KLF8: variants seen among roughly 807,000 people sequenced by gnomAD.
KLF8 encodes Krueppel-like factor 8.
KLF8 carries 10 observed loss-of-function variants against 18.2 expected under a neutral mutation model. The ratio of observed to expected loss-of-function variants is 0.55; its 90% CI spans 0.34 to 0.93. KLF8 has a LOEUF of 0.93. KLF8 is among the 40% of genes least tolerant of loss of function. The pLI is 0.02. For missense variants in KLF8, 264 were observed against 277.9 expected, an observed-to-expected ratio of 0.95 and a Z score of 0.36; for synonymous variants, 109 against 97.3, an observed-to-expected ratio of 1.12 and a Z score of -0.71.
chrX:55,961,108 G>T, the KLF8 span: 2 of 161,235 alleles, frequency 1.2e-5, no homozygotes, highest in Non-Finnish European at 2.3e-5. Flanking sequence ...GATGATAAAG[G>T]TTCAATTCAT....
At chrX:56,194,088 G>T in the KLF8 span, among the ~76,000 whole-genome samples, 1 of 110,681 alleles carries the variant, frequency 9.0e-6, no homozygotes, top group Admixed American at 9.7e-5. Context: ...ACTCGGGGTG[G>T]GGAGGTGTTC....
chrX:56,200,270 A>AT, the KLF8 span, among the ~76,000 whole-genome samples: 3 of 111,072 alleles, frequency 2.7e-5, no homozygotes, highest in African/African-American at 9.8e-5. Context: ...AACACATTGT[A>AT]TGTACTCACA....
the KLF8 span, among the ~76,000 whole-genome samples, chrX:56,090,323 C>G: frequency 1.8e-5 from 2 of 111,513 alleles, no homozygotes; most frequent in Non-Finnish European, 3.8e-5. Context: ...TATTAAAAGC[C>G]TATTTACCTC....
At chrX:56,271,433 C>A (rs1015303431) in intron 5 of KLF8, among the ~76,000 whole-genome samples, 2 of 111,534 alleles carry the variant, frequency 1.8e-5, no homozygotes, top group African/African-American at 6.5e-5. Context: ...TCAATGTGTG[C>A]CCTTTGCCTT....
the KLF8 span, among the ~76,000 whole-genome samples, chrX:56,190,890 A>C: frequency 9.0e-6 from 1 of 111,652 alleles, no homozygotes; most frequent in Non-Finnish European, 1.9e-5. Flanking sequence ...TAAGCAATCT[A>C]ATGATGCATC....
At chrX:55,973,742 G>A in the KLF8 span, among the ~76,000 whole-genome samples, 1 of 112,222 alleles carries the variant, frequency 8.9e-6, no homozygotes, top group South Asian at 3.7e-4. Context: ...CACTGTTGGT[G>A]GAAGTGTAAA....
At chrX:56,265,138 T>A in intron 2 of KLF8, 42 bp from the exon 3 acceptor site, 2 of 1,139,499 alleles carry the variant, frequency 1.8e-6, no homozygotes, top group Non-Finnish European at 2.3e-6. Context: ...TTCAGGGTAC[T>A]AACACTGACT....
chrX:56,047,257 T>C, the KLF8 span, among the ~76,000 whole-genome samples: 1 of 110,470 alleles, frequency 9.1e-6, no homozygotes, highest in Non-Finnish European at 1.9e-5. Flanking sequence ...TTTTTGTTTA[T>C]TTTTTTCGTT....
the KLF8 span, among the ~76,000 whole-genome samples, chrX:56,200,456 T>G: frequency 9.0e-6 from 1 of 110,840 alleles, no homozygotes; most frequent in East Asian, 2.8e-4. Flanking sequence ...ATTGGGCCTT[T>G]AGCTTAGATG....
At chrX:56,063,418 C>T in the KLF8 span, among the ~76,000 whole-genome samples, 1 of 111,664 alleles carries the variant, frequency 9.0e-6, no homozygotes. Context: ...TCTAACAGGC[C>T]CCTCTGCTGC....
At chrX:56,187,777 T>G in the KLF8 span, among the ~76,000 whole-genome samples, 1 of 110,856 alleles carries the variant, frequency 9.0e-6, no homozygotes, top group African/African-American at 3.3e-5. Context: ...AAAAACCACA[T>G]GATTATCTCA....
chrX:55,908,603 G>A, the KLF8 span: 2 of 296,605 alleles, frequency 6.7e-6, no homozygotes. Flanking sequence ...ACACTCTTCT[G>A]CCTTCCCTTG....
At chrX:56,078,800 A>G in the KLF8 span, among the ~76,000 whole-genome samples, 1 of 111,038 alleles carries the variant, frequency 9.0e-6, no homozygotes, top group Non-Finnish European at 1.9e-5. Context: ...TAAGCTATTG[A>G]TTATTGCCTC....
the KLF8 span, among the ~76,000 whole-genome samples, chrX:56,162,767 T>C: frequency 9.0e-6 from 1 of 110,982 alleles, no homozygotes; most frequent in Non-Finnish European, 1.9e-5. Context: ...GTATGCTGCA[T>C]CCACTGTCCT....
At chrX:56,199,070 AG>A in the KLF8 span, among the ~76,000 whole-genome samples, 2 of 112,027 alleles carry the variant, frequency 1.8e-5, no homozygotes. Flanking sequence ...CCTTCCTTAC[AG>A]CTTATAAAGA....
At chrX:56,142,389 C>T in the KLF8 span, among the ~76,000 whole-genome samples, 3 of 111,252 alleles carry the variant, frequency 2.7e-5, no homozygotes, top group Admixed American at 9.6e-5. Flanking sequence ...TTCCTCCTAC[C>T]TCTCTGGCTC....
chrX:55,908,996 G>A, the KLF8 span, among the ~76,000 whole-genome samples: 42 of 110,936 alleles, frequency 3.8e-4, no homozygotes, highest in Non-Finnish European at 7.0e-4. Flanking sequence ...GGACAGGCGC[G>A]CTCAGTTCGA....
the KLF8 span, among the ~76,000 whole-genome samples, chrX:55,963,572 T>C: frequency 1.8e-5 from 2 of 110,249 alleles, no homozygotes; most frequent in Non-Finnish European, 3.8e-5. Flanking sequence ...TAAAAAAAAA[T>C]CATTTCTAAA....
the KLF8 span, among the ~76,000 whole-genome samples, chrX:55,926,243 C>A: frequency 2.7e-5 from 3 of 111,302 alleles, no homozygotes; most frequent in Non-Finnish European, 3.8e-5. Context: ...CTATTCAAAT[C>A]CTATGATTCT....
Sources: allele counts gnomAD v4.1 joint callset (sites outside exome capture counted in the v4.1 genomes callset), GRCh38; gene constraint gnomAD v4.1.1; transcripts MANE v1.5; gene names NCBI Gene and HGNC (gene_info 2026-07-23, HGNC 2026-07-21).